The following KANSL3 variants were observed in gnomAD, a reference collection of about 807,000 sequenced individuals.
The protein encoded by KANSL3 is KAT8 regulatory NSL complex subunit 3, also known as NSL complex protein NSL3.
A neutral mutation model predicts 89.2 loss-of-function variants in KANSL3; 16 were observed. That is an observed-to-expected ratio of 0.18 (90% CI 0.12 to 0.27). The LOEUF (loss-of-function observed/expected upper bound fraction) is 0.27, where lower values mean the gene tolerates loss of function less well. Among genes scored for constraint, KANSL3 ranks in the 10% least tolerant of loss-of-function variants. KANSL3 has a pLI of 1.00. For synonymous variants in KANSL3, 385 were observed against 419.7 expected (o/e 0.92, Z 1.01); for missense variants, 879 against 1,110.6 (o/e 0.79, Z 2.96).
intron 20 of KANSL3, chr2:96,600,503 C>G (rs1227113153): frequency 1.0e-6 from 1 of 985,036 alleles, no homozygotes; most frequent in East Asian, 1.1e-4. Flanking sequence ...CAGTATTTTC[C>G]CTAAAGAGGA....
intron 3 of KANSL3, among the ~76,000 whole-genome samples, chr2:96,626,063 T>A (rs1347277445): frequency 6.6e-6 from 1 of 152,160 alleles, no homozygotes; most frequent in African/African-American, 2.4e-5. Flanking sequence ...CTGCTCTGAC[T>A]GAACCTGAAT....
intron 5 of KANSL3, chr2:96,615,494 T>G (rs1558721382): frequency 7.8e-7 from 1 of 1,284,828 alleles, no homozygotes; most frequent in Non-Finnish European, 1.0e-6. Flanking sequence ...ATGCTTACAC[T>G]GAGAAGAAAT....
downstream of KANSL3, among the ~76,000 whole-genome samples, chr2:96,592,113 C>G (rs952608621): frequency 9.9e-5 from 15 of 152,098 alleles, no homozygotes; most frequent in African/African-American, 3.6e-4. Context: ...CTTGACCTGA[C>G]TGCTCAAGTC....
At chr2:96,596,669 C>G (rs930455797) in intron 20 of KANSL3, among the ~76,000 whole-genome samples, 2 of 152,236 alleles carry the variant, frequency 1.3e-5, no homozygotes, top group Non-Finnish European at 2.9e-5. Flanking sequence ...ACCTCATGGG[C>G]TTCCCTGCCC....
chr2:96,607,407 C>A lies in KANSL3; in HGVS notation c.1741+1101G>T, dbSNP rs142399838. On this transcript the variant is annotated intron_variant, in intron 14 of 20. Transcript: ENST00000431828. ...CTCTCCCCCATGACACCCTAGATCC[C>A]CATTTCAAACCCAGCTCGCCAATCA... Among the ~76,000 whole-genome samples, 549 of 152,276 alleles carry A rather than the reference C, an allele frequency of 3.6e-3. 1 individual carries two copies. The highest frequency in any genetic ancestry group is 5.0e-3 in the Non-Finnish European group (343 of 68,024).
chr2:96,600,767 G>T lies in KANSL3; in HGVS notation c.2616+876C>A. 3.0e-6 allele frequency: 3 copies of T among 985,436 alleles called. No individual in the cohort carries two copies. The African/African-American group carries it at 5.2e-5, about 17-fold the overall frequency. The allele number at this position is 985,436 out of a possible 1,614,324, so 61.0% of individuals were successfully genotyped here. ...AAAGGTCACAGGGGAAATTAGATCA[G>T]CTAAGAGAAACTAATCATGACTTCC... is the stretch of plus-strand genomic sequence containing the variant. On this transcript the variant is annotated intron_variant, in intron 20 of 20. Coordinates refer to ENST00000431828, the MANE Select transcript of KANSL3 (RefSeq NM_001115016.3).
At chr2:96,582,873 A>G in the KANSL3 span, among the ~76,000 whole-genome samples, 1 of 152,248 alleles carries the variant, frequency 6.6e-6, no homozygotes, top group African/African-American at 2.4e-5. Context: ...CTGAAATTTC[A>G]GTTCAATTCT....
At chr2:96,582,098 G>T in the KANSL3 span, among the ~76,000 whole-genome samples, 1 of 151,950 alleles carries the variant, frequency 6.6e-6, no homozygotes, top group Admixed American at 6.6e-5. Flanking sequence ...TGTTTTAAAA[G>T]TCAGTAACTC....
At chr2:96,625,638 C>G (rs1022440727) in intron 3 of KANSL3, among the ~76,000 whole-genome samples, 1 of 152,122 alleles carries the variant, frequency 6.6e-6, no homozygotes, top group East Asian at 1.9e-4. Context: ...GAAATTATTA[C>G]CATACACCAA....
the KANSL3 span, among the ~76,000 whole-genome samples, chr2:96,587,471 G>C: frequency 1.3e-5 from 2 of 152,178 alleles, no homozygotes; most frequent in African/African-American, 4.8e-5. Flanking sequence ...GTCAATGAAA[G>C]CCAAGTGGGG....
At chr2:96,637,547 T>C (rs777795667) in intron 1 of KANSL3, among the ~76,000 whole-genome samples, 1 of 152,130 alleles carries the variant, frequency 6.6e-6, no homozygotes, top group Admixed American at 6.5e-5. Context: ...ATCACAAATA[T>C]GAATTCGTTG....
chr2:96,594,895 G>A lies in KANSL3; in HGVS notation c.*716C>T, dbSNP rs1369629211. 1 of 152,284 alleles carries A rather than the reference G, an allele frequency of 6.6e-6. No homozygotes were observed. Among genetic ancestry groups the A allele is most frequent in the Non-Finnish European group, 1.5e-5 (1 of 68,086 alleles). 9.4% of individuals were successfully genotyped at this position (152,284 alleles called of 1,614,324 possible). On this transcript the variant is annotated 3_prime_UTR_variant, in exon 21 of 21. Coordinates refer to ENST00000431828, the MANE Select transcript of KANSL3 (RefSeq NM_001115016.3). ...CATGGTGAAAAAGACAAAGGGCCCA[G>A]GTTTCACCTGGCAACCACTGCTCCC...
At chr2:96,582,254 C>T in the KANSL3 span, among the ~76,000 whole-genome samples, 1 of 151,914 alleles carries the variant, frequency 6.6e-6, no homozygotes, top group African/African-American at 2.4e-5. Context: ...AAAAATTAGC[C>T]GGGCATGGTG....
At chr2:96,625,423 T>C (rs559505005) in intron 3 of KANSL3, among the ~76,000 whole-genome samples, 1 of 152,344 alleles carries the variant, frequency 6.6e-6, no homozygotes, top group Admixed American at 6.5e-5. Flanking sequence ...ATTGATCACG[T>C]TGCAAACTTT....
chr2:96,634,437 AC>A (rs1442818610), intron 2 of KANSL3, among the ~76,000 whole-genome samples: 1 of 151,458 alleles, frequency 6.6e-6, no homozygotes, highest in African/African-American at 2.4e-5. Flanking sequence ...AATTGCTTGA[AC>A]CCAGGAGGCA....
Position 96,594,558 on chromosome 2 carries a change from C to T in KANSL3, c.*1053G>A, listed in dbSNP as rs2066404305. ...TGAAATAGAAACGAAAACACTGAAGCATGGCCTTCATCGTCCTAATGCCAC... is the reference window on the plus strand; with the variant it reads ...TGAAATAGAAACGAAAACACTGAAGTATGGCCTTCATCGTCCTAATGCCAC... On this transcript the variant is annotated 3_prime_UTR_variant, in exon 21 of 21. Transcript: ENST00000431828. 1 of 152,210 alleles carries T rather than the reference C, an allele frequency of 6.6e-6. No individual in the cohort carries two copies. The highest frequency in any genetic ancestry group is 2.4e-5 in the African/African-American group (1 of 41,448). The allele number at this position is 152,210 out of a possible 1,614,324, so 9.4% of individuals were successfully genotyped here. A position where few individuals can be genotyped will look rare whatever the true frequency, so the allele number is the denominator to read the frequency against.
intron 14 of KANSL3, 70 bp downstream of exon 14, chr2:96,608,438 T>G: frequency 6.6e-7 from 1 of 1,513,528 alleles, no homozygotes. Flanking sequence ...ATATCAATAC[T>G]GTGCAACTGC....
chr2:96,589,455 G>GAA (rs2066259544), downstream of KANSL3, among the ~76,000 whole-genome samples: 1 of 152,102 alleles, frequency 6.6e-6, no homozygotes, highest in Admixed American at 6.5e-5. Flanking sequence ...CAGGGACAGA[G>GAA]GGACATTACA....
intron 3 of KANSL3, among the ~76,000 whole-genome samples, chr2:96,629,195 C>T (rs1019083740): frequency 4.6e-5 from 7 of 152,138 alleles, no homozygotes; most frequent in Admixed American, 1.3e-4. Context: ...TTACCATCGT[C>T]GTTATTTTTT....
Sources: allele counts gnomAD v4.1 joint callset (sites outside exome capture counted in the v4.1 genomes callset), GRCh38; gene constraint gnomAD v4.1.1; transcripts MANE v1.5; gene names NCBI Gene and HGNC (gene_info 2026-07-23, HGNC 2026-07-21).